Variants in NLGN1 observed in about 807,000 individuals in gnomAD.
The protein encoded by NLGN1 is neuroligin 1.
Under a neutral mutation model 65.5 loss-of-function variants are expected in NLGN1, and 12 were observed. The ratio of observed to expected loss-of-function variants is 0.18; its 90% CI spans 0.12 to 0.30. The LOEUF is 0.30. Ranked by LOEUF, NLGN1 falls within the 10% of genes least tolerant of loss-of-function variation. NLGN1 has a pLI of 1.00. For synonymous variants in NLGN1, 350 were observed against 359.5 expected (o/e 0.97, Z 0.30); for missense variants, 750 against 1,007.1 (o/e 0.74, Z 3.46).
At chr3:173,743,080 C>G (rs1774888495) in intron 3 of NLGN1, among the ~76,000 whole-genome samples, 1 of 152,114 alleles carries the variant, frequency 6.6e-6, no homozygotes, top group East Asian at 1.9e-4. Context: ...TATGCTGAGG[C>G]TACCAAAACT....
intron 4 of NLGN1, among the ~76,000 whole-genome samples, chr3:174,151,565 TGA>T (rs1174743150): frequency 1.8e-4 from 23 of 127,554 alleles, no homozygotes; most frequent in Non-Finnish European, 3.4e-4. Flanking sequence ...TAAAAACGTA[TGA>T]CAGACAGATT....
At chr3:173,779,778 T>A (rs1320688121) in intron 3 of NLGN1, among the ~76,000 whole-genome samples, 1 of 152,158 alleles carries the variant, frequency 6.6e-6, no homozygotes, top group East Asian at 1.9e-4. Flanking sequence ...GCTACAAATC[T>A]GACAGTATAA....
chr3:174,077,539 T>G (rs925595485), intron 4 of NLGN1, among the ~76,000 whole-genome samples: 6 of 151,530 alleles, frequency 4.0e-5, no homozygotes, highest in Admixed American at 3.3e-4. Context: ...AGCTTCTTTC[T>G]TTCTTTCTTT....
intron 4 of NLGN1, among the ~76,000 whole-genome samples, chr3:173,845,634 A>AGATC: frequency 6.6e-6 from 1 of 152,138 alleles, no homozygotes; most frequent in East Asian, 1.9e-4. Context: ...ATAGATAGAT[A>AGATC]GATAGATAGA....
At position 173,584,787 on chromosome 3, in the gene NLGN1, A is replaced by AGGGG. The variant is rs3830427; in HGVS notation, c.-320-19487_-320-19484dup. Reference sequence around the variant, plus strand: ...AGTGTCCGTGGGTGAATAAAAAAGGAGGGGGGGGTGCAAAACTGGGGTTGC... The same window carrying AGGGG: ...AGTGTCCGTGGGTGAATAAAAAAGGAGGGGGGGGGGGGTGCAAAACTGGGGTTGC... On this transcript the variant is annotated intron_variant, in intron 2 of 6. Transcript: ENST00000457714. 4.4e-3 allele frequency: 649 copies of AGGGG among 147,410 alleles called. 9 individuals carry two copies. The highest frequency in any genetic ancestry group is 0.016 in the African/African-American group (614 of 38,922). The allele number at this position is 147,410 out of a possible 1,614,324, so 9.1% of individuals were successfully genotyped here. A position where few individuals can be genotyped will look rare whatever the true frequency, so the allele number is the denominator to read the frequency against.
At chr3:173,585,557 C>G (rs966451816) in intron 2 of NLGN1, among the ~76,000 whole-genome samples, 2 of 152,126 alleles carry the variant, frequency 1.3e-5, no homozygotes, top group African/African-American at 4.8e-5. Context: ...GTCACTGCAC[C>G]GGATAGAGAC....
intron 3 of NLGN1, chr3:173,685,915 C>T: frequency 1.6e-6 from 1 of 638,768 alleles, no homozygotes; most frequent in African/African-American, 2.0e-5. Flanking sequence ...AAGATTAAAA[C>T]CTGAATTTAT....
intron 3 of NLGN1, among the ~76,000 whole-genome samples, chr3:173,683,442 A>G (rs750328443): frequency 6.6e-6 from 1 of 152,176 alleles, no homozygotes; most frequent in Non-Finnish European, 1.5e-5. Flanking sequence ...TACTGAGGAT[A>G]TGGAACTGAC....
chr3:174,184,138 A>C (rs1318587821), intron 4 of NLGN1, among the ~76,000 whole-genome samples: 1 of 152,158 alleles, frequency 6.6e-6, no homozygotes, highest in African/African-American at 2.4e-5. Flanking sequence ...ACAAAAGTCA[A>C]TAACACTAGA....
At chr3:173,820,756 C>A (rs892863167) in intron 4 of NLGN1, among the ~76,000 whole-genome samples, 1 of 152,036 alleles carries the variant, frequency 6.6e-6, no homozygotes, top group African/African-American at 2.4e-5. Flanking sequence ...CCAGAGGTAA[C>A]CGGAGAGTAA....
chr3:173,845,351 G>A (rs988232023), intron 4 of NLGN1, among the ~76,000 whole-genome samples: 4 of 152,134 alleles, frequency 2.6e-5, no homozygotes, highest in African/African-American at 9.7e-5. Context: ...CTGGGAGACA[G>A]TAAGCCAAAT....
intron 4 of NLGN1, among the ~76,000 whole-genome samples, chr3:174,086,730 A>G (rs1743477767): frequency 6.6e-6 from 1 of 152,026 alleles, no homozygotes. Context: ...AAATCTTACT[A>G]TATTTAAAAT....
At chr3:174,013,106 A>G (rs1475214585) in intron 4 of NLGN1, among the ~76,000 whole-genome samples, 3 of 152,188 alleles carry the variant, frequency 2.0e-5, no homozygotes, top group Non-Finnish European at 2.9e-5. Context: ...TTAAACTGTA[A>G]TGTACATAAT....
intron 3 of NLGN1, among the ~76,000 whole-genome samples, chr3:173,730,322 T>C (rs999537675): frequency 0.045 from 1,268 of 27,940 alleles, 11 homozygotes; most frequent in African/African-American, 0.055. Context: ...GCCCCACCGC[T>C]CCCCCCCCCC....
intron 4 of NLGN1, among the ~76,000 whole-genome samples, chr3:173,844,466 A>C (rs1324309986): frequency 3.9e-5 from 6 of 152,206 alleles, no homozygotes; most frequent in Admixed American, 2.6e-4. Flanking sequence ...TTGAAATAAA[A>C]ACAAAAATAG....
chr3:173,633,817 A>C (rs908880961), intron 3 of NLGN1, among the ~76,000 whole-genome samples: 3 of 152,186 alleles, frequency 2.0e-5, no homozygotes, highest in Admixed American at 6.6e-5. Flanking sequence ...TTAGCAGTAC[A>C]GTATTTATAG....
chr3:173,427,650 T>C (rs897029324), intron 1 of NLGN1, among the ~76,000 whole-genome samples: 8 of 151,964 alleles, frequency 5.3e-5, no homozygotes, highest in African/African-American at 1.9e-4. Context: ...TAATTTCTAG[T>C]TTTATTCCAT....
At chr3:173,697,818 C>G (rs1766459389) in intron 3 of NLGN1, among the ~76,000 whole-genome samples, 1 of 152,166 alleles carries the variant, frequency 6.6e-6, no homozygotes, top group African/African-American at 2.4e-5. Context: ...GCGTGAGCCA[C>G]TGCATCTGGC....
chr3:174,089,975 A>C (rs1419322839), intron 4 of NLGN1, among the ~76,000 whole-genome samples: 1 of 151,648 alleles, frequency 6.6e-6, no homozygotes, highest in Non-Finnish European at 1.5e-5. Context: ...TAGAGTTATC[A>C]GTTTATTTTA....
Sources: allele counts gnomAD v4.1 joint callset (sites outside exome capture counted in the v4.1 genomes callset), GRCh38; gene constraint gnomAD v4.1.1; transcripts MANE v1.5; gene names NCBI Gene and HGNC (gene_info 2026-07-23, HGNC 2026-07-21).